The following EHBP1L1 variants were observed in gnomAD, a reference collection of about 807,000 sequenced individuals.
EHBP1L1 encodes EH domain binding protein 1 like 1.
EHBP1L1 carries 122 observed loss-of-function variants against 151.1 expected under a neutral mutation model. The observed-to-expected ratio is 0.81, with a 90% CI of 0.70 to 0.94. EHBP1L1 has a LOEUF of 0.94. Ranked by LOEUF, EHBP1L1 falls within the 40% of genes least tolerant of loss-of-function variation. The pLI, the probability that EHBP1L1 is intolerant of heterozygous loss-of-function variation, is 0.00. For synonymous variants in EHBP1L1, 878 were observed against 810.1 expected, an observed-to-expected ratio of 1.08 and a Z score of -1.42; for missense variants, 1,941 against 1,959.8, an observed-to-expected ratio of 0.99 and a Z score of 0.18.
Position 65,585,239 on chromosome 11 carries a change from A to G in EHBP1L1, c.3581A>G (p.Lys1194Arg), listed in dbSNP as rs1857897252. 2.7e-6 allele frequency: 3 copies of G among 1,122,374 alleles called. No homozygotes were observed. The highest frequency in any genetic ancestry group is 1.7e-5 in the African/African-American group (1 of 59,102). 69.5% of individuals were successfully genotyped at this position (1,122,374 alleles called of 1,614,324 possible). Residue 1194 changes from lysine to arginine, a missense_variant, in exon 12 of 19, where the codon AAG becomes AGG. Transcript: ENST00000309295. The surrounding 1 kb of genome is among the most constrained non-coding windows in gnomAD (Gnocchi z 4.0). The stretch of plus-strand genomic sequence containing the variant: ...GGGGCCGAGGGGCCCCAGGAGCCCA[A>G]GGAGGCCGCAGACCGCGCAGACGGG... Reference protein sequence around the residue: ...GHGAEGPQEPKEAADRADGAA... With the variant: ...GHGAEGPQEPREAADRADGAA...
At position 65,592,459 on chromosome 11, in the gene EHBP1L1, AC is replaced by A; in HGVS notation, c.*161del. On this transcript the variant is annotated 3_prime_UTR_variant, in exon 19 of 19. Transcript: ENST00000309295. ...CCGTACAGGGCAGGGCGGATCCCCG[AC>A]CCCACGGGCGGGGCGGCCGCCGTAT... is the stretch of plus-strand genomic sequence containing the variant. 1 of 375,532 alleles carries A rather than the reference AC, an allele frequency of 2.7e-6. No individual in the cohort carries two copies. Among genetic ancestry groups the A allele is most frequent in the Non-Finnish European group, 3.9e-6 (1 of 258,922 alleles). 23.3% of individuals were successfully genotyped at this position (375,532 alleles called of 1,614,324 possible).
At position 65,585,395 on chromosome 11, in the gene EHBP1L1, C is replaced by T. The variant is rs1369627747; in HGVS notation, c.3737C>T (p.Pro1246Leu). The stretch of plus-strand genomic sequence containing the variant: ...GGGCTGGTGAACGGGGCGGGGGCAC[C>T]GGGCGGCGGCGGCGTGAGGCTGCGA... ...AEGLVNGAGA[P>L]GGGGVRLRRP... The change falls in exon 12 of 19, where the codon CCG (proline) becomes CTG (leucine). Residue 1246 changes from proline to leucine, a missense_variant. Physicochemically the swap from Pro to Leu is moderately conservative, Grantham distance 98. Transcript: ENST00000309295. The surrounding 1 kb of genome is among the most constrained non-coding windows in gnomAD (Gnocchi z 4.0). The T allele has an allele frequency of 2.3e-6, 3 of 1,316,052 alleles. No homozygotes were observed. The highest frequency in any genetic ancestry group is 3.2e-5 in the South Asian group (2 of 61,980). The allele number at this position is 1,316,052 out of a possible 1,614,324, so 81.5% of individuals were successfully genotyped here.
chr11:65,583,938 C>A, intron 9 of EHBP1L1, 173 bp downstream of exon 9: 1 of 1,416,452 alleles, frequency 7.1e-7, no homozygotes, highest in East Asian at 2.5e-5. Flanking sequence ...GGCTCTCTTA[C>A]CCCATCTTCC....
chr11:65,583,713 G>C lies in EHBP1L1; in HGVS notation c.3041G>C (p.Arg1014Thr). Residue 1014 changes from arginine to threonine, a missense_variant, in exon 9 of 19, where the codon AGG becomes ACG. Coordinates refer to ENST00000309295, the MANE Select transcript of EHBP1L1 (RefSeq NM_001099409.3). ...AGTGGGGCAGGGGCTGGGGCGCCCA[G>C]GGCCTCTTCCCCAGAGAAGGCTGAA... The part of the protein sequence containing the change: ...VASGAGAGAP[R>T]ASSPEKAEED... 1 of 1,552,896 alleles carries C rather than the reference G, an allele frequency of 6.4e-7. No individual in the cohort carries two copies. The highest frequency in any genetic ancestry group is 8.7e-7 in the Non-Finnish European group (1 of 1,150,666).
rs751694245 is a variant in EHBP1L1, at chr11:65,579,944, C to A, written c.267C>A (p.His89Gln). The change falls in exon 4 of 19, where the codon CAC becomes CAA. Residue 89 changes from histidine (H) to glutamine (Q), a missense_variant. Physicochemically the swap from His to Gln is conservative, Grantham distance 24. Coordinates refer to ENST00000309295, the MANE Select transcript of EHBP1L1 (RefSeq NM_001099409.3). ...AGCACCCTTCTTCCCAGGACCCCCACGTGGACCAGTATGAGGCCAAAGAGT... is the reference window on the plus strand; with the variant it reads ...AGCACCCTTCTTCCCAGGACCCCCAAGTGGACCAGTATGAGGCCAAAGAGT... The part of the protein sequence containing the change: ...DISVTLYRDP[H>Q]VDQYEAKEWT... 2 of 1,613,806 alleles carry A rather than the reference C, an allele frequency of 1.2e-6. No homozygotes were observed. The highest frequency in any genetic ancestry group is 1.3e-5 in the African/African-American group (1 of 75,008).
At position 65,585,223 on chromosome 11, in the gene EHBP1L1, G is replaced by A. The variant is rs1394583269; in HGVS notation, c.3565G>A (p.Gly1189Arg). 100 of 1,138,258 alleles carry A rather than the reference G, an allele frequency of 8.8e-5. No individual in the cohort carries two copies. The Middle Eastern group carries it at 5.3e-3, about 60-fold the overall frequency. 70.5% of individuals were successfully genotyped at this position (1,138,258 alleles called of 1,614,324 possible). A position where few individuals can be genotyped will look rare whatever the true frequency, so the allele number is the denominator to read the frequency against. Residue 1189 changes from glycine (G) to arginine (R), a missense_variant, in exon 12 of 19, where the codon GGG (glycine) becomes AGG (arginine). Transcript: ENST00000309295. The surrounding 1 kb of genome is among the most constrained non-coding windows in gnomAD (Gnocchi z 4.0). ...AQRLRGHGAEGPQEPKEAADR... is the reference protein window; with the variant it reads ...AQRLRGHGAERPQEPKEAADR... The stretch of plus-strand genomic sequence containing the variant: ...GCGGCTGCGCGGTCACGGGGCCGAG[G>A]GGCCCCAGGAGCCCAAGGAGGCCGC...
At chr11:65,584,662 C>T (rs758859127) in intron 11 of EHBP1L1, 128 bp downstream of exon 11, 35 of 1,242,576 alleles carry the variant, frequency 2.8e-5, no homozygotes, top group Non-Finnish European at 4.0e-5. Context: ...ACTTTTTACC[C>T]CTTTGGTCAT....
rs1858318035 is a variant in EHBP1L1, at chr11:65,591,780, C to T, written c.4284-20C>T. On this transcript the variant is annotated intron_variant, in intron 16 of 18. Coordinates refer to ENST00000309295, the MANE Select transcript of EHBP1L1 (RefSeq NM_001099409.3). ...CCTGAACTGCCACCCCCCCGCCACC[C>T]ACCCCCCGCCACCTTCCAGCATGGA... is the stretch of plus-strand genomic sequence containing the variant. 7.0e-7 allele frequency: 1 copy of T among 1,428,490 alleles called. No individual in the cohort carries two copies. Among genetic ancestry groups the T allele is most frequent in the Non-Finnish European group, 9.6e-7 (1 of 1,039,460 alleles). 88.5% of individuals were successfully genotyped at this position (1,428,490 alleles called of 1,614,324 possible).
At position 65,585,539 on chromosome 11, in the gene EHBP1L1, G is replaced by A; in HGVS notation, c.3881G>A (p.Ser1294Asn). The change falls in exon 12 of 19, where the codon AGC becomes AAC. Residue 1294 changes from serine to asparagine, a missense_variant. Physicochemically the swap from Ser to Asn is conservative, Grantham distance 46. Coordinates refer to ENST00000309295, the MANE Select transcript of EHBP1L1 (RefSeq NM_001099409.3). The surrounding 1 kb of genome is among the most constrained non-coding windows in gnomAD (Gnocchi z 4.0). ...KKRRSRLRNS[S>N]SFSMDDPDAG... is the part of the protein sequence containing the mutation. ...AGGCGCTCGCGGCTGCGGAACAGCA[G>A]CTCGTTCTCGATGGACGATCCGGAC... 1 of 1,578,194 alleles carries A rather than the reference G, an allele frequency of 6.3e-7. No homozygotes were observed. Among genetic ancestry groups the A allele is most frequent in the African/African-American group, 1.3e-5 (1 of 74,444 alleles).
intron 12 of EHBP1L1, among the ~76,000 whole-genome samples, chr11:65,589,096 G>A (rs1466103314): frequency 6.6e-6 from 1 of 152,168 alleles, no homozygotes; most frequent in Non-Finnish European, 1.5e-5. Context: ...GAGGTGGCCT[G>A]AGGGAATTCC....
At position 65,585,431 on chromosome 11, in the gene EHBP1L1, T is replaced by C; in HGVS notation, c.3773T>C (p.Val1258Ala). ...GGGVRLRRPS[V>A]NGEPGSVPPP... Reference sequence around the variant, plus strand: ...GGCGTGAGGCTGCGACGGCCCTCGGTCAACGGGGAGCCCGGGTCGGTGCCC... The same window carrying C: ...GGCGTGAGGCTGCGACGGCCCTCGGCCAACGGGGAGCCCGGGTCGGTGCCC... The change falls in exon 12 of 19, where the codon GTC (valine) becomes GCC (alanine). Residue 1258 changes from valine (V) to alanine (A), a missense_variant. Coordinates refer to ENST00000309295, the MANE Select transcript of EHBP1L1 (RefSeq NM_001099409.3). This position sits in a 1 kb window ranked among gnomAD's most constrained non-coding sequence, Gnocchi z 4.0. 1.4e-6 allele frequency: 2 copies of C among 1,481,182 alleles called. No homozygotes were observed. The highest frequency in any genetic ancestry group is 1.8e-6 in the Non-Finnish European group (2 of 1,121,622). The allele number at this position is 1,481,182 out of a possible 1,614,324, so 91.8% of individuals were successfully genotyped here.
chr11:65,589,770 C>A lies in EHBP1L1; in HGVS notation c.3953C>A (p.Pro1318His). ...AAAAEGQAPD[P>H]SPAPGPPTAA... ...CCACAGGAAGGCCAGGCCCCTGACC[C>A]CAGCCCTGCCCCAGGCCCACCCACA... The change falls in exon 13 of 19, where the codon CCC becomes CAC. Residue 1318 changes from proline (P) to histidine (H), a missense_variant. Transcript: ENST00000309295. 1 of 1,553,516 alleles carries A rather than the reference C, an allele frequency of 6.4e-7. No individual in the cohort carries two copies. Among genetic ancestry groups the A allele is most frequent in the East Asian group, 2.4e-5 (1 of 41,522 alleles).
At position 65,585,451 on chromosome 11, in the gene EHBP1L1, G is replaced by T. The variant is rs1435171100; in HGVS notation, c.3793G>T (p.Val1265Leu). 6.6e-7 allele frequency: 1 copy of T among 1,514,864 alleles called. No individual in the cohort carries two copies. Among genetic ancestry groups the T allele is most frequent in the Admixed American group, 2.0e-5 (1 of 49,104 alleles). The allele number at this position is 1,514,864 out of a possible 1,614,324, so 93.8% of individuals were successfully genotyped here. The change falls in exon 12 of 19, where the codon GTG (valine) becomes TTG (leucine). Residue 1265 changes from valine to leucine, a missense_variant. Val to Leu is a conservative substitution (Grantham distance 32). Coordinates refer to ENST00000309295, the MANE Select transcript of EHBP1L1 (RefSeq NM_001099409.3). The surrounding 1 kb of genome is among the most constrained non-coding windows in gnomAD (Gnocchi z 4.0). ...CTCGGTCAACGGGGAGCCCGGGTCG[G>T]TGCCCCCGCCCCGCGCGCACGGCTC... ...RPSVNGEPGSVPPPRAHGSFS... is the reference protein window; with the variant it reads ...RPSVNGEPGSLPPPRAHGSFS...
rs375697464 is a variant in EHBP1L1, at chr11:65,582,987, C to T, written c.2315C>T (p.Ala772Val). The T allele has an allele frequency of 5.0e-5, 80 of 1,612,266 alleles. No individual in the cohort carries two copies. The highest frequency in any genetic ancestry group is 6.7e-5 in the Admixed American group (4 of 59,914). Residue 772 changes from alanine (A) to valine (V), a missense_variant, in exon 9 of 19, where the codon GCG (alanine) becomes GTG (valine). Coordinates refer to ENST00000309295, the MANE Select transcript of EHBP1L1 (RefSeq NM_001099409.3). ...LGIETGAAEG[A>V]ILGTQEIASR... is the part of the protein sequence containing the mutation. ...ATAGAGACTGGGGCAGCAGAAGGTG[C>T]GATATTGGGGACCCAAGAGATAGCA...
Position 65,582,271 on chromosome 11 carries a change from C to T in EHBP1L1, c.1599C>T (p.Ser533=), listed in dbSNP as rs1357161304. ...LEQGPSVGAI[S]TRPQVSSWQG... ...AGGGCCCTTCTGTTGGAGCAATAAGCACCAGGCCCCAGGTGAGCAGCTGGC... is the reference window on the plus strand; with the variant it reads ...AGGGCCCTTCTGTTGGAGCAATAAGTACCAGGCCCCAGGTGAGCAGCTGGC... The change falls in exon 9 of 19, where the codon AGC becomes AGT. Residue 533 remains serine, a synonymous_variant. Transcript: ENST00000309295. 6.5e-7 allele frequency: 1 copy of T among 1,528,046 alleles called. No individual in the cohort carries two copies. The allele number at this position is 1,528,046 out of a possible 1,614,324, so 94.7% of individuals were successfully genotyped here. A position where few individuals can be genotyped will look rare whatever the true frequency, so the allele number is the denominator to read the frequency against.
intron 6 of EHBP1L1, chr11:65,580,815 C>G: frequency 9.7e-7 from 1 of 1,033,240 alleles, no homozygotes; most frequent in South Asian, 1.9e-5. Context: ...CCCTCCTGGG[C>G]CAGCTGGGGC....
rs1704434389 is a variant in EHBP1L1 at position 65,581,820 on chromosome 11, C to T, written c.1148C>T (p.Thr383Ile). ...RQRLKAEEMD[T>I]EDRPEASGVD... ...AGACTCAAGGCTGAAGAGATGGACA[C>T]TGAGGACAGGCCAGAGGCCAGTGGG... Residue 383 changes from threonine to isoleucine, a missense_variant, in exon 9 of 19, where the codon ACT (threonine) becomes ATT (isoleucine). Coordinates refer to ENST00000309295, the MANE Select transcript of EHBP1L1 (RefSeq NM_001099409.3). 6.2e-7 allele frequency: 1 copy of T among 1,613,516 alleles called. No individual in the cohort carries two copies. Among genetic ancestry groups the T allele is most frequent in the African/African-American group, 1.3e-5 (1 of 74,916 alleles).
At chr11:65,576,544 C>T (rs1480096844) in intron 1 of EHBP1L1, 138 bp downstream of exon 1, 6 of 755,830 alleles carry the variant, frequency 7.9e-6, no homozygotes, top group Non-Finnish European at 1.2e-5. Flanking sequence ...GTTCCGTTCC[C>T]AGGCTCGGAG....
chr11:65,588,865 G>A (rs2135317366), intron 12 of EHBP1L1, among the ~76,000 whole-genome samples: 1 of 152,350 alleles, frequency 6.6e-6, no homozygotes, highest in Admixed American at 6.5e-5. Context: ...GAACTGAAAA[G>A]GCAGCAGGGC....
Sources: gnomAD v4.1 joint callset for allele counts (sites outside exome capture counted in the v4.1 genomes callset) on GRCh38, gnomAD v4.1.1 for gene constraint, Gnocchi (gnomAD v3.1) non-coding constraint, MANE v1.5 for transcripts, NCBI Gene and HGNC (gene_info 2026-07-23, HGNC 2026-07-21) for gene names.